Variants in SH3BGRL2 observed in about 807,000 individuals in gnomAD.
SH3BGRL2 encodes SH3 domain binding glutamate rich protein like 2, also known as SH3 domain-binding glutamic acid-rich-like protein 2.
In SH3BGRL2, 21 loss-of-function variants were observed where a neutral mutation model predicts 14.8. The ratio of observed to expected loss-of-function variants is 1.42; its 90% confidence interval spans 1.01 to 2.05. SH3BGRL2 has a LOEUF of 2.05. Ranked by LOEUF, SH3BGRL2 falls within the 30% of genes most tolerant of loss-of-function variation. The pLI is 0.00. For missense variants in SH3BGRL2, 147 were observed against 130.8 expected, an observed-to-expected ratio of 1.12 and a Z score of -0.61; for synonymous variants, 50 against 47.8, an observed-to-expected ratio of 1.05 and a Z score of -0.19.
At chr6:79,606,318 C>T in the SH3BGRL2 span, among the ~76,000 whole-genome samples, 1 of 152,200 alleles carries the variant, frequency 6.6e-6, no homozygotes, top group Non-Finnish European at 1.5e-5. Flanking sequence ...TCTTCTTAGT[C>T]ATAAACACAC....
the SH3BGRL2 span, among the ~76,000 whole-genome samples, chr6:79,581,813 G>T: frequency 1.3e-5 from 2 of 152,112 alleles, no homozygotes; most frequent in African/African-American, 4.8e-5. Context: ...AGAAATAAAG[G>T]GTATTCAATT....
At chr6:79,686,490 A>C (rs1047994605) in intron 2 of SH3BGRL2, among the ~76,000 whole-genome samples, 1 of 151,650 alleles carries the variant, frequency 6.6e-6, no homozygotes, top group Non-Finnish European at 1.5e-5. Context: ...TATCTTCTAG[A>C]TCTCTAGCCT....
At chr6:79,545,488 T>G in the SH3BGRL2 span, among the ~76,000 whole-genome samples, 31 of 152,340 alleles carry the variant, frequency 2.0e-4, no homozygotes, top group African/African-American at 7.0e-4. Context: ...TTATTATACC[T>G]TGGTAAATTC....
intron 2 of SH3BGRL2, among the ~76,000 whole-genome samples, chr6:79,678,237 A>G (rs1337635854): frequency 1.3e-5 from 2 of 152,198 alleles, no homozygotes; most frequent in African/African-American, 4.8e-5. Flanking sequence ...TGTGAAACAG[A>G]TCCCTAGAAC....
At chr6:79,550,063 TG>T in the SH3BGRL2 span, among the ~76,000 whole-genome samples, 1 of 152,310 alleles carries the variant, frequency 6.6e-6, no homozygotes, top group East Asian at 1.9e-4. Context: ...ACCAAAAAAA[TG>T]TTTCTTGTTT....
the SH3BGRL2 span, among the ~76,000 whole-genome samples, chr6:79,567,533 A>G: frequency 1.3e-5 from 2 of 152,234 alleles, no homozygotes; most frequent in African/African-American, 4.8e-5. Flanking sequence ...CTGCAATTTT[A>G]GAGAGGTGTA....
the SH3BGRL2 span, among the ~76,000 whole-genome samples, chr6:79,611,980 T>TTAA: frequency 6.6e-6 from 1 of 152,138 alleles, no homozygotes; most frequent in Non-Finnish European, 1.5e-5. Flanking sequence ...AAGTCTGTGA[T>TTAA]GTTAGACAAG....
chr6:79,693,756 T>G (rs1005933834), intron 2 of SH3BGRL2, among the ~76,000 whole-genome samples: 8 of 152,210 alleles, frequency 5.3e-5, no homozygotes, highest in Non-Finnish European at 1.0e-4. Context: ...TGGATTCGGT[T>G]TATCAAATCT....
At chr6:79,662,908 A>G (rs1355868478) in intron 1 of SH3BGRL2, among the ~76,000 whole-genome samples, 1 of 151,970 alleles carries the variant, frequency 6.6e-6, no homozygotes. Context: ...ATCTTCAATC[A>G]CTGATATCCT....
rs189849377 is a variant in SH3BGRL2, at chr6:79,696,383, A to G, written c.232-102A>G. ...GCTTTTCCCTGATCTGGACAGAGCAATGGTACATTTTTTACTTCCATAAAG... is the reference window on the plus strand; with the variant it reads ...GCTTTTCCCTGATCTGGACAGAGCAGTGGTACATTTTTTACTTCCATAAAG... On this transcript the variant is annotated intron_variant, in intron 2 of 3. Coordinates refer to ENST00000369838, the MANE Select transcript of SH3BGRL2 (RefSeq NM_031469.4). 11 of 799,122 alleles carry G rather than the reference A, an allele frequency of 1.4e-5. No individual in the cohort carries two copies. In the Admixed American group the frequency reaches 2.0e-4, roughly 14 times the overall value. 49.5% of individuals were successfully genotyped at this position (799,122 alleles called of 1,614,324 possible). A position where few individuals can be genotyped will look rare whatever the true frequency, so the allele number is the denominator to read the frequency against.
the SH3BGRL2 span, among the ~76,000 whole-genome samples, chr6:79,585,638 A>G: frequency 1.3e-5 from 2 of 152,248 alleles, no homozygotes; most frequent in South Asian, 2.1e-4. Flanking sequence ...CATCTTCTCC[A>G]TGAATTCAAA....
In SH3BGRL2 at chr6:79,701,855, C is replaced by A. The variant is rs1507; in HGVS notation, c.*2346C>A. ...TCTTGTTCCCTTCTTTAACTAGCTG[C>A]CTTTAGATTTTGATAATCACAGTCT... On this transcript the variant is annotated 3_prime_UTR_variant, in exon 4 of 4. Transcript: ENST00000369838. 14,492 of 152,448 alleles carry A rather than the reference C, an allele frequency of 0.095. 1,193 individuals are homozygous for A. Among genetic ancestry groups the A allele is most frequent in the East Asian group, 0.42 (2,146 of 5,154 alleles). 9.4% of individuals were successfully genotyped at this position (152,448 alleles called of 1,614,324 possible).
chr6:79,610,309 T>C, the SH3BGRL2 span, among the ~76,000 whole-genome samples: 1 of 152,224 alleles, frequency 6.6e-6, no homozygotes, highest in Non-Finnish European at 1.5e-5. Flanking sequence ...TCATTCAACA[T>C]AATTTTTGGA....
intron 1 of SH3BGRL2, among the ~76,000 whole-genome samples, chr6:79,656,691 G>A (rs1582722159): frequency 6.6e-6 from 1 of 152,104 alleles, no homozygotes; most frequent in South Asian, 2.1e-4. Context: ...ATTGTATAAG[G>A]TATTATAAAT....
intron 1 of SH3BGRL2, among the ~76,000 whole-genome samples, chr6:79,634,972 G>A (rs1039771895): frequency 2.0e-5 from 3 of 152,124 alleles, no homozygotes; most frequent in African/African-American, 7.2e-5. Flanking sequence ...GGAGCTTTGG[G>A]TGGGACAGGG....
chr6:79,684,977 T>C (rs1415103113), intron 2 of SH3BGRL2, among the ~76,000 whole-genome samples: 1 of 152,232 alleles, frequency 6.6e-6, no homozygotes, highest in East Asian at 1.9e-4. Flanking sequence ...TTCTCCTTTA[T>C]GGTTGATTGC....
At position 79,696,385 on chromosome 6, in the gene SH3BGRL2, G is replaced by A. The variant is rs539981298; in HGVS notation, c.232-100G>A. 4.0e-5 allele frequency: 33 copies of A among 820,656 alleles called. No homozygotes were observed. In the African/African-American group the frequency reaches 5.2e-4, roughly 13 times the overall value. 50.8% of individuals were successfully genotyped at this position (820,656 alleles called of 1,614,324 possible). On this transcript the variant is annotated intron_variant, in intron 2 of 3. Transcript: ENST00000369838. ...TTTTCCCTGATCTGGACAGAGCAATGGTACATTTTTTACTTCCATAAAGAA... is the reference window on the plus strand; with the variant it reads ...TTTTCCCTGATCTGGACAGAGCAATAGTACATTTTTTACTTCCATAAAGAA...
intron 1 of SH3BGRL2, among the ~76,000 whole-genome samples, chr6:79,670,138 T>G (rs1022069726): frequency 2.0e-5 from 3 of 152,236 alleles, no homozygotes; most frequent in Admixed American, 2.0e-4. Flanking sequence ...CACTGGTGTT[T>G]ATATTTCATA....
intron 1 of SH3BGRL2, among the ~76,000 whole-genome samples, chr6:79,666,054 G>A (rs1769654030): frequency 6.6e-6 from 1 of 152,158 alleles, no homozygotes; most frequent in Non-Finnish European, 1.5e-5. Context: ...CCAACAATGA[G>A]GCGTACTGCT....
Sources: gnomAD v4.1 joint callset for allele counts (sites outside exome capture counted in the v4.1 genomes callset) on GRCh38, gnomAD v4.1.1 for gene constraint, MANE v1.5 for transcripts, NCBI Gene and HGNC (gene_info 2026-07-23, HGNC 2026-07-21) for gene names.